Variants in TTC7B observed in about 807,000 individuals in gnomAD.
TTC7B encodes the protein tetratricopeptide repeat protein 7B.
In TTC7B, 28 loss-of-function variants were observed where a neutral mutation model predicts 106.8. The observed-to-expected ratio is 0.26, with a 90% CI of 0.19 to 0.36. TTC7B has a LOEUF of 0.36. Ranked by LOEUF, TTC7B falls within the 10% of genes least tolerant of loss-of-function variation. The pLI is 1.00. For synonymous variants in TTC7B, 405 were observed against 430.6 expected (o/e 0.94, Z 0.74); for missense variants, 862 against 1,076.4 (o/e 0.80, Z 2.79).
chr14:90,622,949 T>C (rs182512207), intron 15 of TTC7B, among the ~76,000 whole-genome samples: 1 of 152,036 alleles, frequency 6.6e-6, no homozygotes. Context: ...ACGCCCCCAC[T>C]CGAGCCGTGG....
At chr14:90,647,983 A>G (rs116690237) in intron 13 of TTC7B, among the ~76,000 whole-genome samples, 35 of 152,254 alleles carry the variant, frequency 2.3e-4, no homozygotes, top group African/African-American at 7.7e-4. Flanking sequence ...AAACCAAATC[A>G]TTATGGATTC....
intron 4 of TTC7B, among the ~76,000 whole-genome samples, chr14:90,739,034 CA>C (rs2084175638): frequency 6.6e-6 from 1 of 151,962 alleles, no homozygotes; most frequent in South Asian, 2.1e-4. Flanking sequence ...CAAAACACAA[CA>C]AAAAAACACA....
chr14:90,564,178 A>C (rs1328479323), intron 19 of TTC7B, among the ~76,000 whole-genome samples: 1 of 152,044 alleles, frequency 6.6e-6, no homozygotes, highest in African/African-American at 2.4e-5. Flanking sequence ...ATGGGCTGTA[A>C]AGTGGATGCT....
At chr14:90,606,206 GCAAC>G (rs1344901354) in intron 17 of TTC7B, among the ~76,000 whole-genome samples, 23 of 152,152 alleles carry the variant, frequency 1.5e-4, no homozygotes, top group African/African-American at 5.3e-4. Context: ...GTACTGAGGT[GCAAC>G]ACTATGTCAT....
At chr14:90,629,518 C>T (rs114635637) in intron 15 of TTC7B, among the ~76,000 whole-genome samples, 200 of 152,296 alleles carry the variant, frequency 1.3e-3, no homozygotes, top group African/African-American at 4.0e-3. Context: ...CTACTCTGCA[C>T]GGACAAAGTT....
intron 2 of TTC7B, among the ~76,000 whole-genome samples, chr14:90,785,728 T>C (rs1245794201): frequency 6.6e-6 from 1 of 152,120 alleles, no homozygotes; most frequent in East Asian, 1.9e-4. Flanking sequence ...CTCCCAACTG[T>C]GACGCCAGGC....
intron 9 of TTC7B, among the ~76,000 whole-genome samples, chr14:90,658,795 A>G (rs1886060897): frequency 6.6e-6 from 1 of 152,224 alleles, no homozygotes; most frequent in Middle Eastern, 3.2e-3. Context: ...TCCCCAGCCC[A>G]GCCCCACTAT....
At chr14:90,606,965 C>T (rs530449673) in intron 17 of TTC7B, among the ~76,000 whole-genome samples, 1 of 152,158 alleles carries the variant, frequency 6.6e-6, no homozygotes, top group East Asian at 1.9e-4. Flanking sequence ...TTTTTAAGCT[C>T]TTATCAGTTA....
At chr14:90,603,138 T>G in intron 17 of TTC7B, 1 of 654,842 alleles carries the variant, frequency 1.5e-6, no homozygotes, top group South Asian at 1.6e-5. Flanking sequence ...GGCAGAGGGA[T>G]GTCCACGTCA....
At chr14:90,618,480 G>A (rs112178247) in intron 15 of TTC7B, among the ~76,000 whole-genome samples, 3,512 of 152,326 alleles carry the variant, frequency 0.023, 68 homozygotes, top group Non-Finnish European at 0.033. Flanking sequence ...GATGCTCACC[G>A]TCGTGTGAGC....
At chr14:90,813,475 G>A (rs1048754861) in intron 1 of TTC7B, among the ~76,000 whole-genome samples, 12 of 152,166 alleles carry the variant, frequency 7.9e-5, no homozygotes, top group Non-Finnish European at 1.8e-4. Flanking sequence ...AGGAAGGAAT[G>A]AGTGGCTGGC....
chr14:90,745,760 A>T (rs12050264), intron 3 of TTC7B, among the ~76,000 whole-genome samples: 12,196 of 148,582 alleles, frequency 0.082, 518 homozygotes, highest in East Asian at 0.16. Flanking sequence ...GCTGGAGTGC[A>T]GCAGTGCGAC....
rs1055741205 is a variant in TTC7B, at chr14:90,757,190, G to T, written c.446-12268C>A. Among the ~76,000 whole-genome samples, 1 of 152,034 alleles carries T rather than the reference G, an allele frequency of 6.6e-6. No homozygotes were observed. Among genetic ancestry groups the T allele is most frequent in the Non-Finnish European group, 1.5e-5 (1 of 67,990 alleles). Reference sequence around the variant, plus strand: ...TACATAGGCAAAAGAAAGCACCCCGGAAAGCTCCCCTGAACCACCCCGTTC... The same window carrying T: ...TACATAGGCAAAAGAAAGCACCCCGTAAAGCTCCCCTGAACCACCCCGTTC... On this transcript the variant is annotated intron_variant, in intron 3 of 19. Transcript: ENST00000328459. This position sits in a 1 kb window ranked among gnomAD's most constrained non-coding sequence, Gnocchi z 4.1.
chr14:90,720,267 T>C (rs1471770134), intron 5 of TTC7B, among the ~76,000 whole-genome samples: 1 of 152,178 alleles, frequency 6.6e-6, no homozygotes, highest in Non-Finnish European at 1.5e-5. Context: ...CCACCAATTG[T>C]AGGTTAATTT....
rs1238073529 is a variant in TTC7B at position 90,780,780 on chromosome 14, G to A, written c.403C>T (p.Pro135Ser). The A allele has an allele frequency of 1.2e-6, 2 of 1,614,156 alleles. No individual in the cohort carries two copies. The highest frequency in any genetic ancestry group is 1.7e-6 in the Non-Finnish European group (2 of 1,180,066). Residue 135 changes from proline (P) to serine (S), a missense_variant, in exon 3 of 20, where the codon CCC becomes TCC. Physicochemically the swap from Pro to Ser is moderately conservative, Grantham distance 74. Transcript: ENST00000328459. ...LDDLPLTAVP[P>S]YRLRVIAEAY... ...TCTGCGATCACCCGCAGCCTGTAGG[G>A]CGGGACAGCTGTCAGTGGCAGATCG...
intron 19 of TTC7B, among the ~76,000 whole-genome samples, chr14:90,566,678 A>T (rs1443460589): frequency 1.3e-5 from 2 of 152,232 alleles, no homozygotes; most frequent in Non-Finnish European, 2.9e-5. Context: ...TTCATCAGTG[A>T]ACGTGGTGGG....
chr14:90,790,782 A>C (rs1049229370), intron 1 of TTC7B, among the ~76,000 whole-genome samples: 2 of 152,038 alleles, frequency 1.3e-5, no homozygotes, highest in African/African-American at 4.8e-5. Flanking sequence ...GGCTAGAGCT[A>C]CTGAGTTCTC....
intron 17 of TTC7B, among the ~76,000 whole-genome samples, chr14:90,607,591 C>T (rs376070682): frequency 3.5e-4 from 53 of 152,288 alleles, no homozygotes; most frequent in African/African-American, 8.4e-4. Context: ...AGTGTTGCAG[C>T]GGATGTTCAA....
At chr14:90,554,603 G>T (rs756236346) in intron 19 of TTC7B, among the ~76,000 whole-genome samples, 2 of 152,164 alleles carry the variant, frequency 1.3e-5, no homozygotes, top group Non-Finnish European at 2.9e-5. Context: ...TCTTGCCCTC[G>T]CTCAAGGCTC....
Sources: gnomAD v4.1 joint callset for allele counts (sites outside exome capture counted in the v4.1 genomes callset) on GRCh38, gnomAD v4.1.1 for gene constraint, Gnocchi (gnomAD v3.1) non-coding constraint, MANE v1.5 for transcripts, NCBI Gene and HGNC (gene_info 2026-07-23, HGNC 2026-07-21) for gene names.